MAGI1: variants seen among roughly 807,000 people sequenced by gnomAD.
MAGI1 encodes the protein membrane-associated guanylate kinase, WW and PDZ domain-containing protein 1.
A neutral mutation model predicts 139.9 loss-of-function variants in MAGI1; 58 were observed. The observed-to-expected ratio is 0.41, with a 90% CI of 0.34 to 0.52. The LOEUF (loss-of-function observed/expected upper bound fraction) is 0.52. Among genes scored for constraint, MAGI1 ranks in the 20% least tolerant of loss-of-function variants. The pLI, the probability that MAGI1 is intolerant of heterozygous loss-of-function variation, is 0.12. For missense variants in MAGI1, 1,874 were observed against 1,901.6 expected, an observed-to-expected ratio of 0.99 and a Z score of 0.27; for synonymous variants, 812 against 737.9, an observed-to-expected ratio of 1.10 and a Z score of -1.63.
intron 1 of MAGI1, among the ~76,000 whole-genome samples, chr3:65,792,031 TATAC>T (rs200501916): frequency 1.3e-5 from 2 of 152,118 alleles, no homozygotes; most frequent in South Asian, 2.1e-4. Context: ...ATTTTTTTTC[TATAC>T]ATACATACAT....
chr3:65,969,057 A>C (rs2064893483), intron 1 of MAGI1, among the ~76,000 whole-genome samples: 1 of 152,256 alleles, frequency 6.6e-6, no homozygotes, highest in South Asian at 2.1e-4. Context: ...CTCAGCTCAG[A>C]GTAATTCAAG....
chr3:65,704,455 C>T (rs576275218), intron 1 of MAGI1, among the ~76,000 whole-genome samples: 4 of 152,254 alleles, frequency 2.6e-5, no homozygotes, highest in Non-Finnish European at 5.9e-5. Flanking sequence ...CCCAGGCTTC[C>T]TACGGGGTTT....
At chr3:65,790,248 G>A (rs264087) in intron 1 of MAGI1, among the ~76,000 whole-genome samples, 35,268 of 152,054 alleles carry the variant, frequency 0.23, 4,220 homozygotes, top group South Asian at 0.37. Context: ...GGCCCATAGT[G>A]AGAAAAAAGG....
At chr3:65,403,494 G>A (rs1423566014) in intron 12 of MAGI1, among the ~76,000 whole-genome samples, 5 of 152,092 alleles carry the variant, frequency 3.3e-5, no homozygotes, top group Non-Finnish European at 7.4e-5. Flanking sequence ...GGTTGTATAA[G>A]TGTGGGTCAC....
rs78905160 is a variant in MAGI1 at position 65,780,832 on chromosome 3, G to C, written c.314-158744C>G. ...TCTAGCCCACATGGGGCAGAAGAAG[G>C]GATTTGCACTGCTTATGGTATACTA... On this transcript the variant is annotated intron_variant, in intron 1 of 22. Coordinates refer to ENST00000402939, the MANE Select transcript of MAGI1 (RefSeq NM_001033057.2). Among the ~76,000 whole-genome samples the C allele has an allele frequency of 3.0e-3, 459 of 152,242 alleles. 2 individuals carry two copies. Among genetic ancestry groups the C allele is most frequent in the African/African-American group, 0.011 (439 of 41,536 alleles).
chr3:65,498,376 C>G (rs1025011282), intron 2 of MAGI1, among the ~76,000 whole-genome samples: 1 of 151,372 alleles, frequency 6.6e-6, no homozygotes, highest in Non-Finnish European at 1.5e-5. Context: ...ATTGGGCCAA[C>G]GATATCTTGC....
chr3:65,873,337 C>T (rs2060002612), intron 1 of MAGI1: 2 of 152,230 alleles, frequency 1.3e-5, no homozygotes, highest in Non-Finnish European at 2.9e-5. Flanking sequence ...GCAAAATCTA[C>T]AGCAAAGCTC....
intron 1 of MAGI1, among the ~76,000 whole-genome samples, chr3:66,020,463 A>G (rs1208802549): frequency 6.6e-6 from 1 of 152,084 alleles, no homozygotes; most frequent in Non-Finnish European, 1.5e-5. Context: ...TCAAGACAGG[A>G]GGAGGGTGAA....
chr3:65,756,194 C>T (rs1005462668), intron 1 of MAGI1, among the ~76,000 whole-genome samples: 1 of 150,822 alleles, frequency 6.6e-6, no homozygotes, highest in African/African-American at 2.5e-5. Flanking sequence ...TGTAGTTTTC[C>T]ACTTAGTGGA....
intron 1 of MAGI1, among the ~76,000 whole-genome samples, chr3:65,763,250 A>C (rs551613208): frequency 3.3e-5 from 5 of 152,326 alleles, no homozygotes; most frequent in South Asian, 2.1e-4. Context: ...TTCTCCCTAC[A>C]TAATTCAGTT....
intron 1 of MAGI1, among the ~76,000 whole-genome samples, chr3:65,788,645 T>C (rs951162849): frequency 1.3e-5 from 2 of 152,154 alleles, no homozygotes; most frequent in Non-Finnish European, 2.9e-5. Context: ...TCACTCTAAA[T>C]TACTTCCAGT....
intron 1 of MAGI1, among the ~76,000 whole-genome samples, chr3:65,795,162 A>T (rs1424530757): frequency 6.6e-6 from 1 of 152,258 alleles, no homozygotes; most frequent in Admixed American, 6.5e-5. Flanking sequence ...TGAGAAAAGG[A>T]CATTTATGTT....
intron 1 of MAGI1, among the ~76,000 whole-genome samples, chr3:66,033,445 G>A (rs1426269014): frequency 6.6e-6 from 1 of 151,854 alleles, no homozygotes; most frequent in Non-Finnish European, 1.5e-5. Context: ...ACTAGCACTG[G>A]TTGTTAAGCA....
At chr3:65,957,350 CAAAAAAA>C (rs1174740233) in intron 1 of MAGI1, among the ~76,000 whole-genome samples, 71 of 91,494 alleles carry the variant, frequency 7.8e-4, no homozygotes, top group Admixed American at 2.2e-3. Context: ...CCTGTCTCTA[CAAAAAAA>C]AAAAAAAAAA....
At chr3:65,660,680 C>G (rs2086143450) in intron 1 of MAGI1, among the ~76,000 whole-genome samples, 1 of 152,184 alleles carries the variant, frequency 6.6e-6, no homozygotes, top group South Asian at 2.1e-4. Context: ...TCACAGAAAG[C>G]TGGAAAGTCA....
intron 1 of MAGI1, among the ~76,000 whole-genome samples, chr3:65,728,150 G>C (rs2107717696): frequency 6.6e-6 from 1 of 152,312 alleles, no homozygotes; most frequent in East Asian, 1.9e-4. Flanking sequence ...AGGTGGCATA[G>C]GAACTGTGTC....
intron 7 of MAGI1, among the ~76,000 whole-genome samples, chr3:65,443,788 AC>A (rs1454415050): frequency 6.6e-6 from 1 of 152,302 alleles, no homozygotes; most frequent in Middle Eastern, 3.4e-3. Context: ...GTAACACCAC[AC>A]TCTAAAGTGA....
intron 13 of MAGI1, 57 bp downstream of exon 13, chr3:65,401,382 A>T: frequency 2.5e-6 from 1 of 404,310 alleles, no homozygotes; most frequent in Non-Finnish European, 4.3e-6. Context: ...TCCCACCTCC[A>T]GCCCCCCACC....
chr3:65,666,414 T>C (rs1559768209), intron 1 of MAGI1, among the ~76,000 whole-genome samples: 1 of 152,224 alleles, frequency 6.6e-6, no homozygotes, highest in Non-Finnish European at 1.5e-5. Flanking sequence ...CAGTATAGAA[T>C]TCTCCAAAGG....
Sources: allele counts gnomAD v4.1 joint callset (sites outside exome capture counted in the v4.1 genomes callset), GRCh38; gene constraint gnomAD v4.1.1; transcripts MANE v1.5; gene names NCBI Gene and HGNC (gene_info 2026-07-23, HGNC 2026-07-21).